LRP8: variants seen among roughly 807,000 people sequenced by gnomAD.
LRP8 encodes the protein LDL receptor related protein 8, also known as low-density lipoprotein receptor-related protein 8.
A neutral mutation model predicts 111.6 loss-of-function variants in LRP8; 46 were observed. That is an observed-to-expected ratio of 0.41 (90% CI 0.33 to 0.53). The LOEUF is 0.53. Ranked by LOEUF, LRP8 falls within the 20% of genes least tolerant of loss-of-function variation. The pLI is 0.20. For missense variants in LRP8, 959 were observed against 1,297.4 expected (o/e 0.74, Z 4.01); for synonymous variants, 464 against 511.2 (o/e 0.91, Z 1.24).
rs1645662726 is a variant in LRP8 at position 53,242,649 on chromosome 1, AG to A, written c.*4368del. ...CAAATATGGTAACTTTGGGGTTGGT[AG>A]GGGGAGACAAACAAGGAGAATCCAC... On this transcript the variant is annotated 3_prime_UTR_variant, in exon 19 of 19. Coordinates refer to ENST00000306052, the MANE Select transcript of LRP8 (RefSeq NM_004631.5). 1 of 152,120 alleles carries A rather than the reference AG, an allele frequency of 6.6e-6. No homozygotes were observed. The highest frequency in any genetic ancestry group is 1.5e-5 in the Non-Finnish European group (1 of 68,022). 9.4% of individuals were successfully genotyped at this position (152,120 alleles called of 1,614,324 possible). A position where few individuals can be genotyped will look rare whatever the true frequency, so the allele number is the denominator to read the frequency against.
intron 1 of LRP8, 107 bp downstream of exon 1, chr1:53,327,682 C>A (rs1349872559): frequency 2.3e-6 from 3 of 1,294,856 alleles, no homozygotes; most frequent in African/African-American, 3.1e-5. Context: ...CGCCCGGGAG[C>A]CCCCGATAGC....
intron 10 of LRP8, among the ~76,000 whole-genome samples, chr1:53,263,322 GCCTCACATAA>G (rs2100381506): frequency 6.6e-6 from 1 of 152,306 alleles, no homozygotes; most frequent in East Asian, 1.9e-4. Context: ...ACTTCCCAAG[GCCTCACATAA>G]CCTCCCATGT....
chr1:53,269,468 T>G (rs1306247645), intron 8 of LRP8, among the ~76,000 whole-genome samples: 1 of 152,078 alleles, frequency 6.6e-6, no homozygotes, highest in Non-Finnish European at 1.5e-5. Flanking sequence ...TGCATGGTAC[T>G]ATACCTGGCT....
rs1160962020 is a variant in LRP8 at position 53,276,906 on chromosome 1, C to T, written c.669G>A (p.Pro223=). The part of the protein sequence containing the change: ...CGGDGGGACI[P]ERWVCDRQFD... ...ACTGGCGGTCGCAGACCCAGCGCTCCGGGATGCAGGCGCCGCCGCCATCGC... is the reference window on the plus strand; with the variant it reads ...ACTGGCGGTCGCAGACCCAGCGCTCTGGGATGCAGGCGCCGCCGCCATCGC... The change falls in exon 5 of 19, where the codon CCG becomes CCA. Residue 223 remains proline (P), a synonymous_variant. Coordinates refer to ENST00000306052, the MANE Select transcript of LRP8 (RefSeq NM_004631.5). 32 of 1,432,452 alleles carry T rather than the reference C, an allele frequency of 2.2e-5. No individual in the cohort carries two copies. Among genetic ancestry groups the T allele is most frequent in the Non-Finnish European group, 2.7e-5 (30 of 1,095,042 alleles). The allele number at this position is 1,432,452 out of a possible 1,614,324, so 88.7% of individuals were successfully genotyped here. A position where few individuals can be genotyped will look rare whatever the true frequency, so the allele number is the denominator to read the frequency against.
intron 2 of LRP8, among the ~76,000 whole-genome samples, chr1:53,315,267 C>T (rs1653645231): frequency 6.6e-6 from 1 of 152,142 alleles, no homozygotes; most frequent in East Asian, 1.9e-4. Context: ...CTGGGGGCTC[C>T]CTGGCTCCTC....
intron 14 of LRP8, 127 bp downstream of exon 14, chr1:53,258,192 G>A (rs1245169647): frequency 5.3e-6 from 5 of 946,722 alleles, no homozygotes; most frequent in African/African-American, 1.7e-5. Flanking sequence ...ACCCCCAAAA[G>A]GCAACAAGTA....
At chr1:53,271,476 A>C in intron 6 of LRP8, 130 bp from the exon 7 acceptor site, 2 of 990,628 alleles carry the variant, frequency 2.0e-6, no homozygotes, top group Non-Finnish European at 3.0e-6. Context: ...GGGCTCCACA[A>C]CCTCACTGAG....
chr1:53,304,259 T>C (rs1651534153), intron 2 of LRP8, among the ~76,000 whole-genome samples: 1 of 152,150 alleles, frequency 6.6e-6, no homozygotes, highest in African/African-American at 2.4e-5. Context: ...GACTGTTTGT[T>C]TGCCCTGGCA....
chr1:53,311,100 G>C (rs1335619882), intron 2 of LRP8, among the ~76,000 whole-genome samples: 1 of 152,106 alleles, frequency 6.6e-6, no homozygotes, highest in Non-Finnish European at 1.5e-5. Context: ...ACCCCAGCCT[G>C]CTCTGAGCTG....
In LRP8 at chr1:53,249,219, AT is replaced by A. The variant is rs1473317360; in HGVS notation, c.2853+160del. On this transcript the variant is annotated intron_variant, in intron 18 of 18. Coordinates refer to ENST00000306052, the MANE Select transcript of LRP8 (RefSeq NM_004631.5). The surrounding 1 kb of genome is among the most constrained non-coding windows in gnomAD (Gnocchi z 4.1). ...ACTTGATTGCTTTCTTCCACATGCC[AT>A]TCATTGGTCTGTGACTAACCCATTT... 6.6e-6 allele frequency among the ~76,000 whole-genome samples: 1 copy of A among 152,158 alleles called. No homozygotes were observed. The highest frequency in any genetic ancestry group is 6.5e-5 in the Admixed American group (1 of 15,290).
chr1:53,273,338 G>A (rs1646817332), intron 6 of LRP8, among the ~76,000 whole-genome samples: 1 of 152,208 alleles, frequency 6.6e-6, no homozygotes, highest in African/African-American at 2.4e-5. Flanking sequence ...CTTATGTGCA[G>A]AGCACAAACA....
chr1:53,310,178 C>T (rs1652736046), intron 2 of LRP8, among the ~76,000 whole-genome samples: 1 of 149,566 alleles, frequency 6.7e-6, no homozygotes, highest in Admixed American at 6.7e-5. Context: ...CATTTGGAGA[C>T]AGCATGGGGA....
intron 2 of LRP8, among the ~76,000 whole-genome samples, chr1:53,309,395 C>T (rs1036187022): frequency 6.6e-6 from 1 of 152,224 alleles, no homozygotes; most frequent in Non-Finnish European, 1.5e-5. Flanking sequence ...TTAATCTTCC[C>T]AGCCAACAGC....
rs959423663 is a variant in LRP8, at chr1:53,279,445, C to T, written c.496+1142G>A. 3.9e-5 allele frequency among the ~76,000 whole-genome samples: 6 copies of T among 152,172 alleles called. No homozygotes were observed. Among genetic ancestry groups the T allele is most frequent in the Admixed American group, 3.3e-4 (5 of 15,286 alleles). On this transcript the variant is annotated intron_variant, in intron 4 of 18. Transcript: ENST00000306052. This position sits in a 1 kb window ranked among gnomAD's most constrained non-coding sequence, Gnocchi z 4.4. ...CTTGGTAAAGAGGAAAGAGGATTCTCATTGGCCAGTGAGTCCCAGCAAAAT... is the reference window on the plus strand; with the variant it reads ...CTTGGTAAAGAGGAAAGAGGATTCTTATTGGCCAGTGAGTCCCAGCAAAAT...
chr1:53,289,809 G>T, intron 2 of LRP8, 120 bp from the exon 3 acceptor site: 1 of 1,265,726 alleles, frequency 7.9e-7, no homozygotes, highest in Non-Finnish European at 1.1e-6. Flanking sequence ...AAGGGCAGAG[G>T]ACAGGAGAGA....
chr1:53,264,024 T>C (rs2100383592), intron 10 of LRP8, 145 bp downstream of exon 10: 1 of 749,720 alleles, frequency 1.3e-6, no homozygotes, highest in Non-Finnish European at 2.2e-6. Flanking sequence ...AGAACCTTGG[T>C]TGGGGATTAA....
At chr1:53,265,919 C>G (rs1176293515) in intron 9 of LRP8, among the ~76,000 whole-genome samples, 2 of 152,216 alleles carry the variant, frequency 1.3e-5, no homozygotes, top group Non-Finnish European at 2.9e-5. Context: ...AAGAGCTTCC[C>G]AAGCACCAGG....
At chr1:53,273,315 G>A (rs1306880039) in intron 6 of LRP8, among the ~76,000 whole-genome samples, 1 of 152,148 alleles carries the variant, frequency 6.6e-6, no homozygotes, top group Non-Finnish European at 1.5e-5. Context: ...ACAACTACAT[G>A]CACACATACC....
chr1:53,317,159 G>T lies in LRP8; in HGVS notation c.244+9714C>A, dbSNP rs796075664. Among the ~76,000 whole-genome samples the T allele has an allele frequency of 6.6e-6, 1 of 152,102 alleles. No homozygotes were observed. Among genetic ancestry groups the T allele is most frequent in the South Asian group, 2.1e-4 (1 of 4,822 alleles). On this transcript the variant is annotated intron_variant, in intron 2 of 18. Transcript: ENST00000306052. The surrounding 1 kb of genome is among the most constrained non-coding windows in gnomAD (Gnocchi z 4.9). ...GATGGCGGCTCAGGGTCCAGGAAGT[G>T]GGGGAGGGAGGGAGGGGAGGAGTGC... is the stretch of plus-strand genomic sequence containing the variant.
Sources: gnomAD v4.1 joint callset for allele counts (sites outside exome capture counted in the v4.1 genomes callset) on GRCh38, gnomAD v4.1.1 for gene constraint, Gnocchi (gnomAD v3.1) non-coding constraint, MANE v1.5 for transcripts, NCBI Gene and HGNC (gene_info 2026-07-23, HGNC 2026-07-21) for gene names.